DIAPH3: variants seen among roughly 807,000 people sequenced by gnomAD.
DIAPH3 encodes protein diaphanous homolog 3.
DIAPH3 carries 117 observed loss-of-function variants against 144.3 expected under a neutral mutation model. The ratio of observed to expected loss-of-function variants is 0.81; its 90% CI spans 0.70 to 0.95. The LOEUF (loss-of-function observed/expected upper bound fraction) is 0.95. Among genes scored for constraint, DIAPH3 ranks in the 40% least tolerant of loss-of-function variants. The pLI, the probability that DIAPH3 is intolerant of heterozygous loss-of-function variation, is 0.00. For missense variants in DIAPH3, 1,421 were observed against 1,412.7 expected (o/e 1.01, Z -0.09); for synonymous variants, 519 against 488.9 (o/e 1.06, Z -0.81).
rs1315403921 is a variant in DIAPH3, at chr13:59,774,137, T to TCAC, written c.3319+51_3319+52insGTG. On this transcript the variant is annotated intron_variant, in intron 27 of 27. Transcript: ENST00000400324. ...GCAGTCTACTAAAATCACAGATCAA[T>TCAC]AGGATAAAAGTAGATAAGAAGAATG... 6.5e-6 allele frequency: 10 copies of TCAC among 1,550,302 alleles called. No individual in the cohort carries two copies. The African/African-American group carries it at 1.4e-4, about 21-fold the overall frequency.
intron 27 of DIAPH3, among the ~76,000 whole-genome samples, chr13:59,771,437 T>C (rs1274528991): frequency 6.6e-6 from 1 of 152,110 alleles, no homozygotes; most frequent in Admixed American, 6.6e-5. Context: ...CAGATTATTT[T>C]CATAATCCAA....
chr13:60,085,600 C>G (rs1303041700), intron 4 of DIAPH3, among the ~76,000 whole-genome samples: 1 of 152,098 alleles, frequency 6.6e-6, no homozygotes, highest in Non-Finnish European at 1.5e-5. Context: ...TACTGGATAT[C>G]AAGATCAAGA....
At chr13:59,670,559 G>A (rs1272455778) in intron 27 of DIAPH3, among the ~76,000 whole-genome samples, 4 of 151,810 alleles carry the variant, frequency 2.6e-5, no homozygotes, top group African/African-American at 7.3e-5. Flanking sequence ...TGCAGGTAGA[G>A]GAAGTGCTCA....
chr13:59,860,384 A>C (rs1236788587), intron 22 of DIAPH3, among the ~76,000 whole-genome samples: 1 of 152,206 alleles, frequency 6.6e-6, no homozygotes, highest in Non-Finnish European at 1.5e-5. Flanking sequence ...GTTTTCCAAA[A>C]TGTATTCATA....
intron 9 of DIAPH3, among the ~76,000 whole-genome samples, chr13:60,003,550 T>G (rs946188758): frequency 1.3e-4 from 20 of 150,274 alleles, no homozygotes; most frequent in East Asian, 3.9e-4. Flanking sequence ...TCTATCTATA[T>G]ATAGATAGAT....
At chr13:59,984,457 A>T (rs1318449596) in intron 12 of DIAPH3, among the ~76,000 whole-genome samples, 1 of 151,838 alleles carries the variant, frequency 6.6e-6, no homozygotes, top group East Asian at 1.9e-4. Context: ...AAGTTTAACT[A>T]AAACCTCCAA....
chr13:59,727,577 A>G (rs1158132073), intron 27 of DIAPH3, among the ~76,000 whole-genome samples: 1 of 152,164 alleles, frequency 6.6e-6, no homozygotes, highest in Non-Finnish European at 1.5e-5. Flanking sequence ...ATGTGTATAC[A>G]TATATATAAG....
chr13:59,737,402 C>T (rs543951116), intron 27 of DIAPH3, among the ~76,000 whole-genome samples: 1 of 152,116 alleles, frequency 6.6e-6, no homozygotes, highest in Non-Finnish European at 1.5e-5. Context: ...ATTTATTCAC[C>T]ATTTATTGAG....
chr13:59,910,243 T>C (rs1350915533), intron 20 of DIAPH3, among the ~76,000 whole-genome samples: 2 of 151,338 alleles, frequency 1.3e-5, no homozygotes, highest in Non-Finnish European at 2.9e-5. Flanking sequence ...ATTCACCTAT[T>C]CTCTTATGGA....
intron 1 of DIAPH3, among the ~76,000 whole-genome samples, chr13:60,160,000 C>A (rs150169979): frequency 1.3e-5 from 2 of 151,982 alleles, no homozygotes; most frequent in Admixed American, 6.6e-5. Context: ...CCGAGGTGGG[C>A]GGATCACGAG....
chr13:60,005,064 A>C (rs996147177), intron 9 of DIAPH3, among the ~76,000 whole-genome samples: 16 of 152,170 alleles, frequency 1.1e-4, no homozygotes, highest in African/African-American at 3.9e-4. Flanking sequence ...CAACTCCACA[A>C]ATGTTCACAG....
At chr13:59,780,752 A>C (rs902393727) in intron 25 of DIAPH3, among the ~76,000 whole-genome samples, 2 of 152,216 alleles carry the variant, frequency 1.3e-5, no homozygotes, top group Admixed American at 1.3e-4. Flanking sequence ...TGGAGAAAAG[A>C]AAATATGAAA....
chr13:60,000,709 T>C lies in DIAPH3; in HGVS notation c.1014+7835A>G, dbSNP rs113063949. 4.5e-3 allele frequency among the ~76,000 whole-genome samples: 688 copies of C among 152,332 alleles called. 9 individuals are homozygous for C. Among genetic ancestry groups the C allele is most frequent in the Middle Eastern group, 0.017 (5 of 294 alleles). On this transcript the variant is annotated intron_variant, in intron 9 of 27. Coordinates refer to ENST00000400324, the MANE Select transcript of DIAPH3 (RefSeq NM_001042517.2). Reference sequence around the variant, plus strand: ...CCATCAAAGACAACCAAACAATTTTTTCTCTCTGAAACAAGCTTCCCATCT... The same window carrying C: ...CCATCAAAGACAACCAAACAATTTTCTCTCTCTGAAACAAGCTTCCCATCT...
At position 59,987,574 on chromosome 13, in the gene DIAPH3, G is replaced by A. The variant is rs2051500613; in HGVS notation, c.1361+3584C>T. Among the ~76,000 whole-genome samples the A allele has an allele frequency of 2.0e-5, 3 of 149,332 alleles. No homozygotes were observed. The South Asian group carries it at 6.3e-4, about 31-fold the overall frequency. ...AGTAGGTATTTATTGCTTTCTTTTTGGCCAGAAACTTGTTAGTGAAATAAG... is the reference window on the plus strand; with the variant it reads ...AGTAGGTATTTATTGCTTTCTTTTTAGCCAGAAACTTGTTAGTGAAATAAG... On this transcript the variant is annotated intron_variant, in intron 12 of 27. Transcript: ENST00000400324.
chr13:60,086,830 T>C (rs2670476), intron 4 of DIAPH3, among the ~76,000 whole-genome samples: 84,484 of 151,878 alleles, frequency 0.56, 24,035 homozygotes, highest in Admixed American at 0.61. Context: ...AACTCCCTAC[T>C]AATATTACAA....
chr13:59,962,049 T>A (rs1331963433), intron 17 of DIAPH3, among the ~76,000 whole-genome samples: 1 of 152,104 alleles, frequency 6.6e-6, no homozygotes, highest in Admixed American at 6.6e-5. Flanking sequence ...CTAAGTTGGA[T>A]GAAATATTTC....
At chr13:60,022,714 A>G (rs903252761) in intron 5 of DIAPH3, among the ~76,000 whole-genome samples, 1 of 152,184 alleles carries the variant, frequency 6.6e-6, no homozygotes, top group Admixed American at 6.5e-5. Flanking sequence ...TTAATTAATT[A>G]CACTGCAATG....
intron 27 of DIAPH3, among the ~76,000 whole-genome samples, chr13:59,730,242 C>T (rs1253930245): frequency 1.3e-5 from 2 of 152,188 alleles, no homozygotes; most frequent in Non-Finnish European, 2.9e-5. Flanking sequence ...TCTTCAATTC[C>T]CCTCAGGCCT....
At chr13:59,886,446 T>A (rs1164530035) in intron 20 of DIAPH3, among the ~76,000 whole-genome samples, 5 of 152,138 alleles carry the variant, frequency 3.3e-5, no homozygotes, top group African/African-American at 1.2e-4. Flanking sequence ...CTATATTCTA[T>A]GTCCTTTGCA....
Sources: allele counts gnomAD v4.1 joint callset (sites outside exome capture counted in the v4.1 genomes callset), GRCh38; gene constraint gnomAD v4.1.1; transcripts MANE v1.5; gene names NCBI Gene and HGNC (gene_info 2026-07-23, HGNC 2026-07-21).